The following DSCAM variants were observed in gnomAD, a reference collection of about 807,000 sequenced individuals.
DSCAM encodes the protein cell adhesion molecule DSCAM.
A neutral mutation model predicts 217.7 loss-of-function variants in DSCAM; 47 were observed. The observed-to-expected ratio is 0.22, with a 90% CI of 0.17 to 0.28. DSCAM has a LOEUF of 0.28. Among genes scored for constraint, DSCAM ranks in the 10% least tolerant of loss-of-function variants. The probability of loss-of-function intolerance (pLI) is 1.00; values close to 1 mark genes in which losing one functional copy is unlikely to be tolerated. For synonymous variants in DSCAM, 1,056 were observed against 1,015.3 expected, an observed-to-expected ratio of 1.04 and a Z score of -0.76; for missense variants, 2,080 against 2,618.3, an observed-to-expected ratio of 0.79 and a Z score of 4.49.
At chr21:40,296,238 C>T in intron 9 of DSCAM, 64 bp from the exon 10 acceptor site, 2 of 1,544,860 alleles carry the variant, frequency 1.3e-6, no homozygotes, top group South Asian at 2.3e-5. Flanking sequence ...AGGTATGATT[C>T]TAAGAAACTG....
intron 10 of DSCAM, among the ~76,000 whole-genome samples, chr21:40,286,798 C>T (rs1411982505): frequency 4.2e-5 from 6 of 144,554 alleles, no homozygotes; most frequent in Non-Finnish European, 5.9e-5. Context: ...GCAGTATGAT[C>T]TGCAGGTATC....
rs375817003 is a variant in DSCAM at position 40,353,685 on chromosome 21, A to G, written c.714T>C (p.Ala238=). The G allele has an allele frequency of 4.4e-6, 7 of 1,607,424 alleles. No homozygotes were observed. The highest frequency in any genetic ancestry group is 5.9e-6 in the Non-Finnish European group (7 of 1,178,276). ...TGCAAGGCAGCTCCACACGCTGCCCAGCCATGGCTTTGCGATGGTCAAACC... is the reference window on the plus strand; with the variant it reads ...TGCAAGGCAGCTCCACACGCTGCCCGGCCATGGCTTTGCGATGGTCAAACC... ...LDGFDHRKAM[A]GQRVELPCKA... is the part of the protein sequence containing the mutation. The change falls in exon 5 of 33, where the codon GCT becomes GCC. Residue 238 remains alanine (A), a synonymous_variant. Transcript: ENST00000400454.
chr21:40,435,448 C>G (rs8134058), intron 3 of DSCAM, among the ~76,000 whole-genome samples: 4,161 of 151,262 alleles, frequency 0.028, 164 homozygotes, highest in African/African-American at 0.091. Context: ...CCTGGTGACA[C>G]AAGTTTACCT....
chr21:40,800,250 A>G (rs909786514), intron 1 of DSCAM, among the ~76,000 whole-genome samples: 10 of 152,206 alleles, frequency 6.6e-5, no homozygotes, highest in African/African-American at 2.2e-4. Flanking sequence ...TAAATTACCC[A>G]GTTTCAGGCA....
intron 3 of DSCAM, among the ~76,000 whole-genome samples, chr21:40,479,151 A>C (rs56366547): frequency 0.17 from 25,746 of 152,204 alleles, 2,398 homozygotes; most frequent in Middle Eastern, 0.24. Flanking sequence ...GTAATCCTAT[A>C]AATTCTATTA....
At chr21:40,677,477 T>A (rs942913135) in intron 3 of DSCAM, among the ~76,000 whole-genome samples, 3 of 152,212 alleles carry the variant, frequency 2.0e-5, no homozygotes, top group African/African-American at 7.2e-5. Flanking sequence ...CAGCTTTCGA[T>A]ACTGGTGTGT....
intron 11 of DSCAM, among the ~76,000 whole-genome samples, chr21:40,245,983 C>T (rs1258049015): frequency 6.6e-6 from 1 of 152,028 alleles, no homozygotes; most frequent in African/African-American, 2.4e-5. Flanking sequence ...TTAAACTACC[C>T]ATCAGATTTT....
intron 28 of DSCAM, among the ~76,000 whole-genome samples, chr21:40,058,915 T>C (rs916002408): frequency 6.6e-6 from 1 of 152,216 alleles, no homozygotes; most frequent in Non-Finnish European, 1.5e-5. Flanking sequence ...ACATATTAGT[T>C]ATTATTGAGC....
chr21:40,703,658 T>TA (rs2090681524), intron 2 of DSCAM, among the ~76,000 whole-genome samples: 1 of 152,186 alleles, frequency 6.6e-6, no homozygotes, highest in Non-Finnish European at 1.5e-5. Context: ...ATTTTATTAT[T>TA]GCGCTGAGCA....
chr21:40,242,037 A>T (rs974983129), intron 11 of DSCAM, among the ~76,000 whole-genome samples: 2 of 152,074 alleles, frequency 1.3e-5, no homozygotes, highest in Non-Finnish European at 2.9e-5. Context: ...AGAAAAGACA[A>T]CCATTGGGTA....
At chr21:40,621,713 G>C (rs1166392465) in intron 3 of DSCAM, among the ~76,000 whole-genome samples, 1 of 151,892 alleles carries the variant, frequency 6.6e-6, no homozygotes, top group African/African-American at 2.4e-5. Context: ...TCTCAATTTT[G>C]CACCAAGGGG....
At chr21:40,455,479 A>G (rs1049571797) in intron 3 of DSCAM, among the ~76,000 whole-genome samples, 4 of 152,192 alleles carry the variant, frequency 2.6e-5, no homozygotes, top group African/African-American at 9.7e-5. Context: ...TTAGAAACAT[A>G]AACCAAGCCA....
intron 32 of DSCAM, among the ~76,000 whole-genome samples, chr21:40,021,588 G>C (rs1174316263): frequency 1.3e-5 from 2 of 152,184 alleles, no homozygotes; most frequent in African/African-American, 4.8e-5. Flanking sequence ...CCGCCTTGAG[G>C]ATGAGACGCT....
At chr21:40,617,003 C>T (rs2089406254) in intron 3 of DSCAM, among the ~76,000 whole-genome samples, 1 of 97,380 alleles carries the variant, frequency 1.0e-5, no homozygotes, top group Non-Finnish European at 1.9e-5. Flanking sequence ...GGCGACAGAG[C>T]AAGACTCCGT....
At chr21:40,582,714 C>T (rs1027181412) in intron 3 of DSCAM, among the ~76,000 whole-genome samples, 3 of 151,968 alleles carry the variant, frequency 2.0e-5, no homozygotes, top group Non-Finnish European at 2.9e-5. Flanking sequence ...AGAGCATCTG[C>T]GTTTTACTAA....
intron 10 of DSCAM, among the ~76,000 whole-genome samples, chr21:40,277,004 C>T (rs993740231): frequency 2.0e-5 from 3 of 151,564 alleles, no homozygotes; most frequent in Non-Finnish European, 2.9e-5. Context: ...AATAATGAAA[C>T]AGATTATGAA....
intron 11 of DSCAM, among the ~76,000 whole-genome samples, chr21:40,237,862 T>C (rs894570015): frequency 6.6e-6 from 1 of 152,194 alleles, no homozygotes; most frequent in Non-Finnish European, 1.5e-5. Flanking sequence ...GTTATGAAGA[T>C]CCTGGTGATG....
intron 3 of DSCAM, among the ~76,000 whole-genome samples, chr21:40,420,510 A>G (rs1199759557): frequency 6.6e-6 from 1 of 152,186 alleles, no homozygotes; most frequent in Non-Finnish European, 1.5e-5. Flanking sequence ...GAAGGTCAGG[A>G]TTCAGGAGAG....
rs10538615 is a variant in DSCAM, at chr21:40,808,474, A to ATTT, written c.43+38142_43+38144dup. Among the ~76,000 whole-genome samples the ATTT allele has an allele frequency of 1.2e-4, 17 of 139,492 alleles. No individual in the cohort carries two copies. In the East Asian group the frequency reaches 1.5e-3, roughly 12 times the overall value. 91.5% of individuals were successfully genotyped at this position (139,492 alleles called of 152,430 possible). ...TAGGCCTTGGGTTAATACAACCATCATTTTTTTTTTTTTTTTTGAGACATA... is the reference window on the plus strand; with the variant it reads ...TAGGCCTTGGGTTAATACAACCATCATTTTTTTTTTTTTTTTTTTTGAGACATA... On this transcript the variant is annotated intron_variant, in intron 1 of 32. Transcript: ENST00000400454.
Sources: allele counts gnomAD v4.1 joint callset (sites outside exome capture counted in the v4.1 genomes callset), GRCh38; gene constraint gnomAD v4.1.1; transcripts MANE v1.5; gene names NCBI Gene and HGNC (gene_info 2026-07-23, HGNC 2026-07-21).